CCDC85C: variants seen among roughly 807,000 people sequenced by gnomAD.
CCDC85C encodes coiled-coil domain containing 85C.
In CCDC85C, 18 loss-of-function variants were observed where a neutral mutation model predicts 38.3. That is an observed-to-expected ratio of 0.47 (90% confidence interval 0.33 to 0.70). The LOEUF (loss-of-function observed/expected upper bound fraction) is 0.70. Among genes scored for constraint, CCDC85C ranks in the 30% least tolerant of loss-of-function variants. The probability of loss-of-function intolerance (pLI) is 0.03; values close to 1 mark genes in which losing one functional copy is unlikely to be tolerated. For synonymous variants in CCDC85C, 264 were observed against 293.8 expected (o/e 0.90, Z 1.04); for missense variants, 566 against 621.2 (o/e 0.91, Z 0.94).
rs1896862858 is a variant in CCDC85C, at chr14:99,502,639, T to TC, written c.*12606dup. 1.4e-6 allele frequency: 2 copies of TC among 1,380,540 alleles called. No homozygotes were observed. Among genetic ancestry groups the TC allele is most frequent in the African/African-American group, 2.9e-5 (2 of 69,780 alleles). The allele number at this position is 1,380,540 out of a possible 1,614,324, so 85.5% of individuals were successfully genotyped here. On this transcript the variant is annotated 3_prime_UTR_variant, in exon 6 of 6. Transcript: ENST00000380243. ...TCATGCTTAGGTCCTCGTAGGGGTA[T>TC]CATAACTGATTCTTTATCCAGGTAA...
At chr14:99,530,203 G>A (rs1595344685) in intron 2 of CCDC85C, among the ~76,000 whole-genome samples, 1 of 152,222 alleles carries the variant, frequency 6.6e-6, no homozygotes, top group South Asian at 2.1e-4. Context: ...CCCACATTGC[G>A]AGACTGACCA....
chr14:99,537,138 C>A lies in CCDC85C; in HGVS notation c.794-1050G>T, dbSNP rs372791825. ...TTATTAACATCTCTCGCAGAGATCA[C>A]CTGGCCCAGATGCCAGCCCAGACCC... On this transcript the variant is annotated intron_variant, in intron 1 of 5. Coordinates refer to ENST00000380243, the MANE Select transcript of CCDC85C (RefSeq NM_001144995.2). 2.0e-5 allele frequency among the ~76,000 whole-genome samples: 3 copies of A among 152,326 alleles called. No individual in the cohort carries two copies. In the East Asian group the frequency reaches 5.8e-4, roughly 29 times the overall value.
In CCDC85C at chr14:99,535,250, G is replaced by C. The variant is rs1897571677; in HGVS notation, c.867+765C>G. Among the ~76,000 whole-genome samples the C allele has an allele frequency of 6.6e-6, 1 of 152,226 alleles. No homozygotes were observed. The highest frequency in any genetic ancestry group is 1.5e-5 in the Non-Finnish European group (1 of 68,032). On this transcript the variant is annotated intron_variant, in intron 2 of 5. Coordinates refer to ENST00000380243, the MANE Select transcript of CCDC85C (RefSeq NM_001144995.2). The surrounding 1 kb of genome is among the most constrained non-coding windows in gnomAD (Gnocchi z 5.5). The stretch of plus-strand genomic sequence containing the variant: ...AGGCTGACCGCTCACGGCGCAGTGG[G>C]AAAAGCAGGGAGAGGGAGACTGGGA...
In CCDC85C at chr14:99,576,435, C is replaced by T. The variant is rs1158088780; in HGVS notation, c.793+26732G>A. 1 of 152,558 alleles carries T rather than the reference C, an allele frequency of 6.6e-6. No individual in the cohort carries two copies. Among genetic ancestry groups the T allele is most frequent in the African/African-American group, 2.4e-5 (1 of 41,480 alleles). 9.5% of individuals were successfully genotyped at this position (152,558 alleles called of 1,614,324 possible). ...TGAGCAGCAGCTCCCGGGAGCCCCA[C>T]CCTCAGCTCTGCCTGGAGACTCCTG... On this transcript the variant is annotated intron_variant, in intron 1 of 5. Transcript: ENST00000380243. The surrounding 1 kb of genome is among the most constrained non-coding windows in gnomAD (Gnocchi z 4.8).
chr14:99,537,547 C>T (rs369405827), intron 1 of CCDC85C, among the ~76,000 whole-genome samples: 14 of 152,264 alleles, frequency 9.2e-5, no homozygotes, highest in African/African-American at 3.4e-4. Flanking sequence ...TACTGGAGCC[C>T]GGCCCGGCCG....
intron 1 of CCDC85C, among the ~76,000 whole-genome samples, chr14:99,593,710 C>T (rs1031506324): frequency 2.6e-5 from 4 of 152,216 alleles, no homozygotes; most frequent in African/African-American, 9.6e-5. Flanking sequence ...CCAGTGTGGG[C>T]GCATCCTCGC....
intron 1 of CCDC85C, among the ~76,000 whole-genome samples, chr14:99,562,652 G>A (rs1352424422): frequency 1.3e-5 from 2 of 152,168 alleles, no homozygotes; most frequent in African/African-American, 4.8e-5. Context: ...CAACCTGGGT[G>A]AGAGGTGTGT....
chr14:99,603,277 A>G lies in CCDC85C; in HGVS notation c.683T>C (p.Leu228Pro). The change falls in exon 1 of 6, where the codon CTG becomes CCG. Residue 228 changes from leucine to proline, a missense_variant. Coordinates refer to ENST00000380243, the MANE Select transcript of CCDC85C (RefSeq NM_001144995.2). This position sits in a 1 kb window ranked among gnomAD's most constrained non-coding sequence, Gnocchi z 7.5. ...DHHHHVPPPL[L>P]PPGPHKAPDG... ...GGGGGCCTTGTGCGGCCCGGGGGGC[A>G]GCAGCGGGGGTGGGACGTGGTGGTG... The G allele has an allele frequency of 7.2e-7, 1 of 1,381,516 alleles. No homozygotes were observed. Among genetic ancestry groups the G allele is most frequent in the East Asian group, 3.1e-5 (1 of 32,698 alleles). 85.6% of individuals were successfully genotyped at this position (1,381,516 alleles called of 1,614,324 possible). A position where few individuals can be genotyped will look rare whatever the true frequency, so the allele number is the denominator to read the frequency against.
At position 99,576,290 on chromosome 14, in the gene CCDC85C, A is replaced by G. The variant is rs1039829448; in HGVS notation, c.793+26877T>C. Reference sequence around the variant, plus strand: ...AGCCCACCCTCTGACCCCATCTAAAATCCAGGGCCAGGGCCCCTCGAGGGT... The same window carrying G: ...AGCCCACCCTCTGACCCCATCTAAAGTCCAGGGCCAGGGCCCCTCGAGGGT... On this transcript the variant is annotated intron_variant, in intron 1 of 5. Transcript: ENST00000380243. This position sits in a 1 kb window ranked among gnomAD's most constrained non-coding sequence, Gnocchi z 4.8. Among the ~76,000 whole-genome samples the G allele has an allele frequency of 6.6e-6, 1 of 152,072 alleles. No individual in the cohort carries two copies. Among genetic ancestry groups the G allele is most frequent in the Non-Finnish European group, 1.5e-5 (1 of 68,014 alleles).
chr14:99,586,212 A>G (rs1222244602), intron 1 of CCDC85C, among the ~76,000 whole-genome samples: 1 of 152,076 alleles, frequency 6.6e-6, no homozygotes, highest in African/African-American at 2.4e-5. Flanking sequence ...CCCTCCCTAC[A>G]CCCAGAAGGG....
intron 1 of CCDC85C, among the ~76,000 whole-genome samples, chr14:99,553,386 A>G (rs1233914885): frequency 1.3e-5 from 2 of 151,884 alleles, no homozygotes; most frequent in East Asian, 3.9e-4. Context: ...TGTTTTTGAG[A>G]CAGAGTCCTG....
chr14:99,536,856 T>A (rs1897612053), intron 1 of CCDC85C, among the ~76,000 whole-genome samples: 2 of 151,782 alleles, frequency 1.3e-5, no homozygotes, highest in Admixed American at 1.3e-4. Flanking sequence ...AAAAATCCCA[T>A]CCCCACCCCC....
rs1371558112 is a variant in CCDC85C, at chr14:99,502,976, C to A, written c.*12270G>T. ...GCCCAGTTCTCCCCGACAGGTTAAG[C>A]GAGCCGTGGTGAGTGGGCTAAAGCA... is the stretch of plus-strand genomic sequence containing the variant. On this transcript the variant is annotated 3_prime_UTR_variant, in exon 6 of 6. Coordinates refer to ENST00000380243, the MANE Select transcript of CCDC85C (RefSeq NM_001144995.2). 2 of 1,613,972 alleles carry A rather than the reference C, an allele frequency of 1.2e-6. No individual in the cohort carries two copies. Among genetic ancestry groups the A allele is most frequent in the South Asian group, 1.1e-5 (1 of 91,076 alleles).
In CCDC85C at chr14:99,502,477, ATG is replaced by A; in HGVS notation, c.*12767_*12768del. The A allele has an allele frequency of 6.8e-7, 1 of 1,463,176 alleles. No individual in the cohort carries two copies. The highest frequency in any genetic ancestry group is 9.1e-7 in the Non-Finnish European group (1 of 1,097,320). The allele number at this position is 1,463,176 out of a possible 1,614,324, so 90.6% of individuals were successfully genotyped here. A position where few individuals can be genotyped will look rare whatever the true frequency, so the allele number is the denominator to read the frequency against. ...AGAATGGATTTTCCCAGATAGACAT[ATG>A]TGAGCAATATTTCAGAAGCATCATT... On this transcript the variant is annotated 3_prime_UTR_variant, in exon 6 of 6. Coordinates refer to ENST00000380243, the MANE Select transcript of CCDC85C (RefSeq NM_001144995.2).
At position 99,603,789 on chromosome 14, in the gene CCDC85C, G is replaced by C. The variant is rs2140001625; in HGVS notation, c.171C>G (p.Asn57Lys). The C allele has an allele frequency of 6.6e-7, 1 of 1,525,848 alleles. No homozygotes were observed. The highest frequency in any genetic ancestry group is 8.8e-7 in the Non-Finnish European group (1 of 1,142,552). 94.5% of individuals were successfully genotyped at this position (1,525,848 alleles called of 1,614,324 possible). ...LEHGGLMRDV[N>K]RRLQQHLLEI... is the part of the protein sequence containing the mutation. ...CCAGCAGGTGCTGCTGCAGCCGCCG[G>C]TTCACGTCGCGCATCAGGCCGCCGT... The change falls in exon 1 of 6, where the codon AAC becomes AAG. Residue 57 changes from asparagine (N) to lysine (K), a missense_variant. Physicochemically the swap from Asn to Lys is moderately conservative, Grantham distance 94. Coordinates refer to ENST00000380243, the MANE Select transcript of CCDC85C (RefSeq NM_001144995.2). The surrounding 1 kb of genome is among the most constrained non-coding windows in gnomAD (Gnocchi z 7.5).
In CCDC85C at chr14:99,535,979, C is replaced by G; in HGVS notation, c.867+36G>C. The G allele has an allele frequency of 6.6e-7, 1 of 1,512,480 alleles. No individual in the cohort carries two copies. The highest frequency in any genetic ancestry group is 9.0e-7 in the Non-Finnish European group (1 of 1,112,956). 93.7% of individuals were successfully genotyped at this position (1,512,480 alleles called of 1,614,324 possible). On this transcript the variant is annotated intron_variant, in intron 2 of 5. Transcript: ENST00000380243. This position sits in a 1 kb window ranked among gnomAD's most constrained non-coding sequence, Gnocchi z 5.5. ...AGCTGGAGGGGTGGGTGCTGGGTCG[C>G]GGTCCTCAAGGCAGCGCCACCCGAA...
Position 99,535,534 on chromosome 14 carries a change from T to C in CCDC85C, c.867+481A>G, listed in dbSNP as rs1897579212. Among the ~76,000 whole-genome samples the C allele has an allele frequency of 6.6e-6, 1 of 151,900 alleles. No individual in the cohort carries two copies. The highest frequency in any genetic ancestry group is 1.5e-5 in the Non-Finnish European group (1 of 67,952). On this transcript the variant is annotated intron_variant, in intron 2 of 5. Transcript: ENST00000380243. The surrounding 1 kb of genome is among the most constrained non-coding windows in gnomAD (Gnocchi z 5.5). ...CCTACAGCCAACCCCTCCCACGCCG[T>C]GCCCCTGCTGCCCAGCTCTGCACAG...
rs141452295 is a variant in CCDC85C, at chr14:99,540,684, G to A, written c.794-4596C>T. Among the ~76,000 whole-genome samples the A allele has an allele frequency of 5.1e-3, 779 of 152,258 alleles. 6 individuals carry two copies. Among genetic ancestry groups the A allele is most frequent in the African/African-American group, 0.018 (751 of 41,556 alleles). On this transcript the variant is annotated intron_variant, in intron 1 of 5. Transcript: ENST00000380243. ...CTGGGGGCCATCGGACCAATTCTGG[G>A]GGATTCCCTATCCAGCTGCCAACCG...
In CCDC85C at chr14:99,548,448, C is replaced by T. The variant is rs534987008; in HGVS notation, c.794-12360G>A. ...CAGGGGATGCTGATGATCGGCGCAG[C>T]GGATCAGAGAGCAGCCTGGCGCGGT... On this transcript the variant is annotated intron_variant, in intron 1 of 5. Transcript: ENST00000380243. This position sits in a 1 kb window ranked among gnomAD's most constrained non-coding sequence, Gnocchi z 4.9. 7.9e-5 allele frequency among the ~76,000 whole-genome samples: 12 copies of T among 152,034 alleles called. No homozygotes were observed. Among genetic ancestry groups the T allele is most frequent in the Admixed American group, 4.6e-4 (7 of 15,256 alleles).
Sources: gnomAD v4.1 joint callset for allele counts (sites outside exome capture counted in the v4.1 genomes callset) on GRCh38, gnomAD v4.1.1 for gene constraint, Gnocchi (gnomAD v3.1) non-coding constraint, MANE v1.5 for transcripts, NCBI Gene and HGNC (gene_info 2026-07-23, HGNC 2026-07-21) for gene names.